The following HERPUD2 variants were observed in gnomAD, a reference collection of about 807,000 sequenced individuals.
HERPUD2 encodes the protein HERPUD family member 2, also known as homocysteine-responsive endoplasmic reticulum-resident ubiquitin-like domain member 2 protein.
HERPUD2 carries 13 observed loss-of-function variants against 49.9 expected under a neutral mutation model. That is an observed-to-expected ratio of 0.26 (90% confidence interval 0.17 to 0.41). HERPUD2 has a LOEUF of 0.41. HERPUD2 is among the 10% of genes least tolerant of loss of function. The pLI is 1.00. For missense variants in HERPUD2, 449 were observed against 492.2 expected, an observed-to-expected ratio of 0.91 and a Z score of 0.83; for synonymous variants, 172 against 171.4, an observed-to-expected ratio of 1.00 and a Z score of -0.03.
At chr7:35,645,126 G>C (rs1562669928) in intron 5 of HERPUD2, among the ~76,000 whole-genome samples, 1 of 152,098 alleles carries the variant, frequency 6.6e-6, no homozygotes, top group Non-Finnish European at 1.5e-5. Flanking sequence ...AGCTGCACTG[G>C]GGTTCATTAC....
At chr7:35,686,306 A>AG (rs58822089) in intron 2 of HERPUD2, among the ~76,000 whole-genome samples, 149,446 of 149,450 alleles carry the variant, frequency 1, 74,721 homozygotes, top group Middle Eastern at 1. Flanking sequence ...CTCCTGCGTC[A>AG]CGTCCCAAGT....
At chr7:35,661,140 T>G (rs1270591659) in intron 5 of HERPUD2, among the ~76,000 whole-genome samples, 1 of 152,224 alleles carries the variant, frequency 6.6e-6, no homozygotes, top group African/African-American at 2.4e-5. Context: ...TAGGGAATCC[T>G]TTCCCCATTT....
At chr7:35,643,775 CTAA>C (rs778953450) in intron 5 of HERPUD2, among the ~76,000 whole-genome samples, 3 of 149,598 alleles carry the variant, frequency 2.0e-5, no homozygotes, top group Non-Finnish European at 3.0e-5. Context: ...CACTGGAACA[CTAA>C]TAATGTTTTA....
At chr7:35,661,823 G>A (rs1354656568) in intron 5 of HERPUD2, among the ~76,000 whole-genome samples, 1 of 152,208 alleles carries the variant, frequency 6.6e-6, no homozygotes, top group African/African-American at 2.4e-5. Context: ...TCTGCAAACA[G>A]GGACAATTTG....
At chr7:35,679,535 T>C (rs1361379278) in intron 2 of HERPUD2, among the ~76,000 whole-genome samples, 2 of 152,218 alleles carry the variant, frequency 1.3e-5, no homozygotes, top group Admixed American at 6.5e-5. Context: ...GCAGCCTTTA[T>C]CATTTGCTTC....
intron 5 of HERPUD2, among the ~76,000 whole-genome samples, chr7:35,648,989 C>T (rs144831417): frequency 2.0e-5 from 3 of 152,160 alleles, no homozygotes; most frequent in Non-Finnish European, 4.4e-5. Context: ...CAGTGGCTCA[C>T]GCCTGTAATC....
intron 2 of HERPUD2, among the ~76,000 whole-genome samples, chr7:35,692,083 C>G (rs1786202671): frequency 6.6e-6 from 1 of 152,214 alleles, no homozygotes; most frequent in Admixed American, 6.5e-5. Context: ...TAATAGGCTG[C>G]ATAGTATTTG....
intron 5 of HERPUD2, among the ~76,000 whole-genome samples, chr7:35,664,392 A>G (rs1785494779): frequency 6.6e-6 from 1 of 152,150 alleles, no homozygotes; most frequent in Admixed American, 6.5e-5. Context: ...CTCGAGGAGT[A>G]TCTTTGTGGT....
At chr7:35,636,651 A>G (rs530101185) in intron 6 of HERPUD2, among the ~76,000 whole-genome samples, 1 of 152,292 alleles carries the variant, frequency 6.6e-6, no homozygotes, top group African/African-American at 2.4e-5. Flanking sequence ...GTAAGGTATG[A>G]ACATCCTGTC....
At chr7:35,683,660 C>T (rs751282727) in intron 2 of HERPUD2, among the ~76,000 whole-genome samples, 11 of 152,196 alleles carry the variant, frequency 7.2e-5, no homozygotes, top group Admixed American at 1.3e-4. Context: ...CCTTCATAAT[C>T]TAATCATCTA....
At chr7:35,650,810 G>A (rs1336489848) in intron 5 of HERPUD2, among the ~76,000 whole-genome samples, 3 of 152,104 alleles carry the variant, frequency 2.0e-5, no homozygotes, top group Admixed American at 2.0e-4. Flanking sequence ...AGGCTGCAGT[G>A]CATCTCCCGA....
rs141964812 is a variant in HERPUD2 at position 35,681,473 on chromosome 7, C to A, written c.148-8195G>T. Among the ~76,000 whole-genome samples, 6 of 152,196 alleles carry A rather than the reference C, an allele frequency of 3.9e-5. No individual in the cohort carries two copies. In the East Asian group the frequency reaches 1.2e-3, roughly 29 times the overall value. Reference sequence around the variant, plus strand: ...ATATACCCAGTTCCATTGCTAGGTACATACCAAAAATGATGGAAAACATAT... The same window carrying A: ...ATATACCCAGTTCCATTGCTAGGTAAATACCAAAAATGATGGAAAACATAT... On this transcript the variant is annotated intron_variant, in intron 2 of 8. Transcript: ENST00000311350.
At chr7:35,640,677 G>A (rs1784955061) in intron 5 of HERPUD2, among the ~76,000 whole-genome samples, 1 of 152,070 alleles carries the variant, frequency 6.6e-6, no homozygotes, top group Admixed American at 6.6e-5. Flanking sequence ...TATGCATTTG[G>A]TATTCTCCAG....
At chr7:35,678,364 G>A (rs1479376980) in intron 2 of HERPUD2, among the ~76,000 whole-genome samples, 2 of 151,734 alleles carry the variant, frequency 1.3e-5, no homozygotes, top group East Asian at 1.9e-4. Flanking sequence ...GCAGTGGCAC[G>A]ATCTTGGCTC....
At chr7:35,634,288 T>C in intron 8 of HERPUD2, 24 bp downstream of exon 8, 1 of 1,404,044 alleles carries the variant, frequency 7.1e-7, no homozygotes, top group South Asian at 1.2e-5. Flanking sequence ...GTATCTTAAG[T>C]ATACAAAAGC....
intron 5 of HERPUD2, among the ~76,000 whole-genome samples, chr7:35,651,938 A>C (rs918426503): frequency 6.6e-6 from 1 of 152,174 alleles, no homozygotes; most frequent in Non-Finnish European, 1.5e-5. Context: ...TAGAGATAAA[A>C]ACTTCTTATC....
chr7:35,694,153 G>C, intron 2 of HERPUD2, 31 bp downstream of exon 2: 1 of 1,612,692 alleles, frequency 6.2e-7, no homozygotes, highest in Non-Finnish European at 8.5e-7. Context: ...CTGCTGGTCA[G>C]AGCAGCTGCC....
chr7:35,635,061 G>C, intron 7 of HERPUD2, 74 bp downstream of exon 7: 1 of 1,106,778 alleles, frequency 9.0e-7, no homozygotes, highest in Non-Finnish European at 1.3e-6. Context: ...ATTCACAACA[G>C]ACTACCCTAC....
chr7:35,635,260 G>A lies in HERPUD2; in HGVS notation c.816C>T (p.Phe272=). ...QGGPVLNEED[F]NRDWLDWMYT... is the part of the protein sequence containing the mutation. The stretch of plus-strand genomic sequence containing the variant: ...ACATCCAGTCTAGCCAGTCTCGATT[G>A]AAGTCTTCTTCATTTAGTACTGGAC... Residue 272 remains phenylalanine, a synonymous_variant, in exon 7 of 9, where the codon TTC becomes TTT. Transcript: ENST00000311350. The A allele has an allele frequency of 1.2e-6, 2 of 1,614,154 alleles. No individual in the cohort carries two copies. The highest frequency in any genetic ancestry group is 1.7e-6 in the Non-Finnish European group (2 of 1,179,988).
Sources: allele counts gnomAD v4.1 joint callset (sites outside exome capture counted in the v4.1 genomes callset), GRCh38; gene constraint gnomAD v4.1.1; transcripts MANE v1.5; gene names NCBI Gene and HGNC (gene_info 2026-07-23, HGNC 2026-07-21).